The following RIMS4 variants were observed in gnomAD, a reference collection of about 807,000 sequenced individuals.
RIMS4 encodes the protein regulating synaptic membrane exocytosis 4.
A neutral mutation model predicts 29.0 loss-of-function variants in RIMS4; 9 were observed. The ratio of observed to expected loss-of-function variants is 0.31; its 90% confidence interval spans 0.19 to 0.54. RIMS4 has a LOEUF of 0.54. Ranked by LOEUF, RIMS4 falls within the 20% of genes least tolerant of loss-of-function variation. The pLI is 0.94. For synonymous variants in RIMS4, 130 were observed against 152.9 expected (o/e 0.85, Z 1.10); for missense variants, 193 against 365.7 (o/e 0.53, Z 3.85).
At chr20:44,787,430 T>G (rs1241920385) in intron 1 of RIMS4, among the ~76,000 whole-genome samples, 1 of 152,182 alleles carries the variant, frequency 6.6e-6, no homozygotes, top group African/African-American at 2.4e-5. Context: ...CAACAATCTG[T>G]GAAATATGTC....
chr20:44,767,758 G>C (rs890585031), intron 2 of RIMS4, among the ~76,000 whole-genome samples: 1 of 152,166 alleles, frequency 6.6e-6, no homozygotes, highest in Non-Finnish European at 1.5e-5. Context: ...TCAGGTTGTT[G>C]TGACAATTAA....
intron 2 of RIMS4, among the ~76,000 whole-genome samples, chr20:44,758,417 G>C (rs1034617393): frequency 6.6e-6 from 1 of 152,148 alleles, no homozygotes; most frequent in South Asian, 2.1e-4. Flanking sequence ...TAGAACTGCA[G>C]CCCACTCCAC....
chr20:44,806,996 T>C (rs1020976885), intron 1 of RIMS4, among the ~76,000 whole-genome samples: 8 of 152,222 alleles, frequency 5.3e-5, no homozygotes, highest in African/African-American at 1.9e-4. Flanking sequence ...ATTATTTTTC[T>C]TCTTCCTTAC....
At chr20:44,806,509 T>C (rs1244863931) in intron 1 of RIMS4, among the ~76,000 whole-genome samples, 7 of 152,212 alleles carry the variant, frequency 4.6e-5, no homozygotes. Flanking sequence ...AGCTCTACCT[T>C]AATAACTGTA....
At chr20:44,799,090 G>A (rs1308788536) in intron 1 of RIMS4, among the ~76,000 whole-genome samples, 1 of 152,190 alleles carries the variant, frequency 6.6e-6, no homozygotes, top group Non-Finnish European at 1.5e-5. Context: ...ATCACCTGAG[G>A]TCAGGAGTTC....
At chr20:44,786,035 G>C (rs1298116109) in intron 1 of RIMS4, among the ~76,000 whole-genome samples, 1 of 152,160 alleles carries the variant, frequency 6.6e-6, no homozygotes, top group Non-Finnish European at 1.5e-5. Flanking sequence ...TGGGCAAAGA[G>C]AAGTCTGTGC....
At chr20:44,794,085 G>C (rs1339552012) in intron 1 of RIMS4, among the ~76,000 whole-genome samples, 1 of 152,100 alleles carries the variant, frequency 6.6e-6, no homozygotes, top group Non-Finnish European at 1.5e-5. Context: ...ATAAAGGCAG[G>C]AATGAGACAG....
At position 44,798,797 on chromosome 20, in the gene RIMS4, T is replaced by C. The variant is rs532492342; in HGVS notation, c.97+11378A>G. ...AAGTTAGCCTGCAGCCAAGTGCCCA[T>C]GTCTGGCTGCTTCTTCTCCTGCCCC... On this transcript the variant is annotated intron_variant, in intron 1 of 5. Transcript: ENST00000372851. 3.3e-5 allele frequency among the ~76,000 whole-genome samples: 5 copies of C among 152,356 alleles called. No individual in the cohort carries two copies. The East Asian group carries it at 7.7e-4, about 24-fold the overall frequency.
At chr20:44,805,790 C>T (rs1048343530) in intron 1 of RIMS4, among the ~76,000 whole-genome samples, 1 of 152,086 alleles carries the variant, frequency 6.6e-6, no homozygotes, top group Non-Finnish European at 1.5e-5. Flanking sequence ...AGGGGGAGAA[C>T]TCCAGTGAGG....
chr20:44,758,115 C>G lies in RIMS4; in HGVS notation c.306G>C (p.Pro102=). 1 of 1,613,530 alleles carries G rather than the reference C, an allele frequency of 6.2e-7. No homozygotes were observed. Among genetic ancestry groups the G allele is most frequent in the Non-Finnish European group, 8.5e-7 (1 of 1,179,756 alleles). The change falls in exon 3 of 6, where the codon CCG becomes CCC. Residue 102 remains proline, a synonymous_variant. Transcript: ENST00000372851. ...QFSDFLGSMG[P]AQFVGRQTLA... is the part of the protein sequence containing the mutation. ...GGGTCTGGCGGCCCACAAACTGTGC[C>G]GGCCCCATGCTTCCCAGGAAGTCAC...
At chr20:44,766,733 GC>G (rs1244173241) in intron 2 of RIMS4, among the ~76,000 whole-genome samples, 2 of 152,178 alleles carry the variant, frequency 1.3e-5, no homozygotes, top group African/African-American at 4.8e-5. Flanking sequence ...GGAGATGGTA[GC>G]CCTGTGCACC....
chr20:44,771,099 G>A (rs376383841), intron 2 of RIMS4, among the ~76,000 whole-genome samples, 176 bp downstream of exon 2: 4 of 152,200 alleles, frequency 2.6e-5, no homozygotes, highest in Non-Finnish European at 4.4e-5. Context: ...GCTCTCCCTC[G>A]GGGCTTTGCT....
In RIMS4 at chr20:44,767,674, G is replaced by A. The variant is rs141900623; in HGVS notation, c.236+3601C>T. Among the ~76,000 whole-genome samples the A allele has an allele frequency of 9.0e-3, 1,372 of 152,306 alleles. 21 individuals carry two copies. Among genetic ancestry groups the A allele is most frequent in the African/African-American group, 0.031 (1,294 of 41,558 alleles). ...CTCAGCCACTGACTGGCTGTGTGAC[G>A]TGGGGCAACTTATTTACCCTCTCTG... On this transcript the variant is annotated intron_variant, in intron 2 of 5. Coordinates refer to ENST00000372851, the MANE Select transcript of RIMS4 (RefSeq NM_182970.4).
intron 1 of RIMS4, among the ~76,000 whole-genome samples, chr20:44,787,714 A>T (rs2145468289): frequency 6.6e-6 from 1 of 151,592 alleles, no homozygotes; most frequent in East Asian, 1.9e-4. Context: ...AAAAAAAAAT[A>T]GAGATGCACA....
chr20:44,787,148 T>A (rs1330190605), intron 1 of RIMS4, among the ~76,000 whole-genome samples: 1 of 151,934 alleles, frequency 6.6e-6, no homozygotes, highest in Non-Finnish European at 1.5e-5. Context: ...GGCAGACATG[T>A]CTGGTATGTT....
At chr20:44,780,543 T>A (rs1363125303) in intron 1 of RIMS4, among the ~76,000 whole-genome samples, 1 of 152,238 alleles carries the variant, frequency 6.6e-6, no homozygotes, top group Non-Finnish European at 1.5e-5. Context: ...GGAATTTCCA[T>A]TTATCGAGTT....
chr20:44,796,907 T>G (rs536612312), intron 1 of RIMS4, among the ~76,000 whole-genome samples: 1 of 152,220 alleles, frequency 6.6e-6, no homozygotes, highest in Non-Finnish European at 1.5e-5. Flanking sequence ...ATTCTCCAAA[T>G]AGTCAAACAA....
rs531479336 is a variant in RIMS4, at chr20:44,798,612, G to A, written c.97+11563C>T. Among the ~76,000 whole-genome samples the A allele has an allele frequency of 3.2e-4, 49 of 152,298 alleles. 2 individuals are homozygous for A. The South Asian group carries it at 8.3e-3, about 26-fold the overall frequency. ...GCTGCCATGAGTATCTGCTGGTGCC[G>A]GCTCACAGCTGCCCCATCTTTGGAC... is the stretch of plus-strand genomic sequence containing the variant. On this transcript the variant is annotated intron_variant, in intron 1 of 5. Coordinates refer to ENST00000372851, the MANE Select transcript of RIMS4 (RefSeq NM_182970.4).
At position 44,756,387 on chromosome 20, in the gene RIMS4, C is replaced by A; in HGVS notation, c.592-35G>T. ...AAGAGACACAGTGGTTCAAATCCTGCCAGTGCCACTCACAGGCCCAGAAGC... is the reference window on the plus strand; with the variant it reads ...AAGAGACACAGTGGTTCAAATCCTGACAGTGCCACTCACAGGCCCAGAAGC... On this transcript the variant is annotated intron_variant, in intron 5 of 5. Coordinates refer to ENST00000372851, the MANE Select transcript of RIMS4 (RefSeq NM_182970.4). The surrounding 1 kb of genome is among the most constrained non-coding windows in gnomAD (Gnocchi z 5.9). 1 of 1,577,728 alleles carries A rather than the reference C, an allele frequency of 6.3e-7. No individual in the cohort carries two copies.
Sources: allele counts gnomAD v4.1 joint callset (sites outside exome capture counted in the v4.1 genomes callset), GRCh38; gene constraint gnomAD v4.1.1; non-coding constraint Gnocchi (gnomAD v3.1); transcripts MANE v1.5; gene names NCBI Gene and HGNC (gene_info 2026-07-23, HGNC 2026-07-21).